RAB7A: variants seen among roughly 807,000 people sequenced by gnomAD.
The protein encoded by RAB7A is ras-related protein Rab-7a.
RAB7A carries 2 observed loss-of-function variants against 24.5 expected under a neutral mutation model. The observed-to-expected ratio is 0.08, with a 90% CI of 0.03 to 0.26. The LOEUF (loss-of-function observed/expected upper bound fraction) is 0.26, where lower values mean the gene tolerates loss of function less well. Ranked by LOEUF, RAB7A falls within the 10% of genes least tolerant of loss-of-function variation. The pLI is 1.00. For synonymous variants in RAB7A, 100 were observed against 95.9 expected (o/e 1.04, Z -0.25); for missense variants, 118 against 255.7 (o/e 0.46, Z 3.67).
intron 1 of RAB7A, among the ~76,000 whole-genome samples, chr3:128,789,736 T>C (rs1472496582): frequency 6.6e-6 from 1 of 151,988 alleles, no homozygotes; most frequent in Non-Finnish European, 1.5e-5. Flanking sequence ...TGAAGCTAAC[T>C]CTGCTTGGGC....
At chr3:128,786,329 A>C (rs1223713356) in intron 1 of RAB7A, among the ~76,000 whole-genome samples, 2 of 152,180 alleles carry the variant, frequency 1.3e-5, no homozygotes, top group African/African-American at 2.4e-5. Context: ...GTCTGCCTAC[A>C]ACAGACACTG....
At chr3:128,807,965 AC>A (rs1200110012) in intron 5 of RAB7A, among the ~76,000 whole-genome samples, 9 of 152,024 alleles carry the variant, frequency 5.9e-5, no homozygotes, top group Admixed American at 2.6e-4. Flanking sequence ...TCACTGGGAG[AC>A]CCCGAACAGA....
intron 3 of RAB7A, among the ~76,000 whole-genome samples, chr3:128,805,066 G>T (rs554388315): frequency 2.0e-5 from 3 of 152,202 alleles, no homozygotes; most frequent in Non-Finnish European, 4.4e-5. Flanking sequence ...CCGCGCATAT[G>T]ACTAGAACAA....
At chr3:128,744,481 A>G (rs1380473657) in intron 1 of RAB7A, among the ~76,000 whole-genome samples, 2 of 152,206 alleles carry the variant, frequency 1.3e-5, no homozygotes, top group African/African-American at 4.8e-5. Flanking sequence ...ATGATGCATT[A>G]TTATCGACTA....
At chr3:128,737,489 G>A (rs2070501641) in intron 1 of RAB7A, among the ~76,000 whole-genome samples, 1 of 151,250 alleles carries the variant, frequency 6.6e-6, no homozygotes, top group Non-Finnish European at 1.5e-5. Flanking sequence ...GACTACAGGT[G>A]TGCACCACCA....
At chr3:128,786,017 C>T (rs942265418) in intron 1 of RAB7A, among the ~76,000 whole-genome samples, 2 of 152,176 alleles carry the variant, frequency 1.3e-5, no homozygotes, top group African/African-American at 4.8e-5. Flanking sequence ...TCCACTCATC[C>T]CCTTCCTTCT....
At chr3:128,804,516 T>C (rs1012386797) in intron 3 of RAB7A, among the ~76,000 whole-genome samples, 1 of 152,270 alleles carries the variant, frequency 6.6e-6, no homozygotes, top group Non-Finnish European at 1.5e-5. Context: ...AATTAAAATA[T>C]TAAAAAATTT....
chr3:128,786,672 A>G (rs887948461), intron 1 of RAB7A, among the ~76,000 whole-genome samples: 6 of 152,168 alleles, frequency 3.9e-5, no homozygotes, highest in African/African-American at 1.2e-4. Flanking sequence ...TCCCAGTGCT[A>G]TATTTAGATC....
At chr3:128,792,046 T>C (rs1933464812) in intron 1 of RAB7A, among the ~76,000 whole-genome samples, 1 of 152,242 alleles carries the variant, frequency 6.6e-6, no homozygotes, top group Non-Finnish European at 1.5e-5. Context: ...TACAGCATTT[T>C]TTCCAAATTT....
At chr3:128,790,737 AC>A (rs1280893750) in intron 1 of RAB7A, among the ~76,000 whole-genome samples, 2 of 152,164 alleles carry the variant, frequency 1.3e-5, no homozygotes, top group African/African-American at 4.8e-5. Flanking sequence ...CCAGCACCCC[AC>A]TGTTAATACT....
At chr3:128,744,543 C>T (rs572857842) in intron 1 of RAB7A, among the ~76,000 whole-genome samples, 3 of 152,366 alleles carry the variant, frequency 2.0e-5, no homozygotes, top group Admixed American at 1.3e-4. Flanking sequence ...CACACTCCTT[C>T]ATTATCCAGT....
At chr3:128,731,488 G>A (rs9842345) in intron 1 of RAB7A, among the ~76,000 whole-genome samples, 8,140 of 152,220 alleles carry the variant, frequency 0.053, 635 homozygotes, top group African/African-American at 0.17. Flanking sequence ...GCCTTTAAAT[G>A]CTTTTTAATG....
intron 1 of RAB7A, among the ~76,000 whole-genome samples, chr3:128,781,657 G>A (rs537603919): frequency 6.6e-6 from 1 of 152,238 alleles, no homozygotes; most frequent in Admixed American, 6.5e-5. Context: ...GGGAAGGAGG[G>A]AGAGACCTTG....
rs869119619 is a variant in RAB7A, at chr3:128,809,936, C to CTTTTTTTT, written c.528+2288_528+2295dup. 5.5e-3 allele frequency among the ~76,000 whole-genome samples: 286 copies of CTTTTTTTT among 52,244 alleles called. 66 individuals are homozygous for CTTTTTTTT. The highest frequency in any genetic ancestry group is 9.5e-3 in the African/African-American group (113 of 11,836). 34.3% of individuals were successfully genotyped at this position (52,244 alleles called of 152,430 possible). On this transcript the variant is annotated intron_variant, in intron 5 of 5. Transcript: ENST00000265062. ...GAGGCAAGTTTCCTCTTGCCACAGTCTTTTTTTTTTTTTTTTTTTTTTTTT... is the reference window on the plus strand; with the variant it reads ...GAGGCAAGTTTCCTCTTGCCACAGTCTTTTTTTTTTTTTTTTTTTTTTTTTTTTTTTTT...
chr3:128,765,951 G>A (rs924989278), intron 1 of RAB7A, among the ~76,000 whole-genome samples: 2 of 151,874 alleles, frequency 1.3e-5, no homozygotes, highest in African/African-American at 2.4e-5. Flanking sequence ...TAGTAGAGAC[G>A]GAGTTTCACC....
At chr3:128,802,889 C>G (rs1933729749) in intron 3 of RAB7A, among the ~76,000 whole-genome samples, 1 of 152,206 alleles carries the variant, frequency 6.6e-6, no homozygotes, top group African/African-American at 2.4e-5. Flanking sequence ...ACTGCAACCT[C>G]TGCCTCCCCG....
intron 1 of RAB7A, among the ~76,000 whole-genome samples, chr3:128,733,151 G>C (rs1207240053): frequency 6.6e-6 from 1 of 152,186 alleles, no homozygotes; most frequent in Non-Finnish European, 1.5e-5. Flanking sequence ...TAAGTGGACG[G>C]CTTAGAGAAT....
intron 1 of RAB7A, among the ~76,000 whole-genome samples, chr3:128,773,897 G>GTC (rs1933015408): frequency 6.6e-6 from 1 of 151,714 alleles, no homozygotes; most frequent in Non-Finnish European, 1.5e-5. Context: ...CTCCTTAAGA[G>GTC]TCATCACCAC....
At chr3:128,740,322 C>T (rs1203664140) in intron 1 of RAB7A, among the ~76,000 whole-genome samples, 1 of 149,054 alleles carries the variant, frequency 6.7e-6, no homozygotes, top group African/African-American at 2.5e-5. Context: ...CAGAGATGGC[C>T]GTGAGCCGAG....
Sources: allele counts gnomAD v4.1 joint callset (sites outside exome capture counted in the v4.1 genomes callset), GRCh38; gene constraint gnomAD v4.1.1; transcripts MANE v1.5; gene names NCBI Gene and HGNC (gene_info 2026-07-23, HGNC 2026-07-21).